Variants in TG observed in about 807,000 individuals in gnomAD.
The protein encoded by TG is thyroglobulin.
TG carries 270 observed loss-of-function variants against 324.7 expected under a neutral mutation model. That is an observed-to-expected ratio of 0.83 (90% CI 0.75 to 0.92). TG has a LOEUF of 0.92. TG is among the 40% of genes least tolerant of loss of function. The probability of loss-of-function intolerance (pLI) is 0.00; values close to 1 mark genes in which losing one functional copy is unlikely to be tolerated. For synonymous variants in TG, 1,401 were observed against 1,327.0 expected, an observed-to-expected ratio of 1.06 and a Z score of -1.21; for missense variants, 3,591 against 3,456.4, an observed-to-expected ratio of 1.04 and a Z score of -0.98.
intron 35 of TG, among the ~76,000 whole-genome samples, chr8:133,008,959 C>T (rs1233616598): frequency 6.6e-6 from 1 of 152,182 alleles, no homozygotes; most frequent in Non-Finnish European, 1.5e-5. Flanking sequence ...TTGTGGACCT[C>T]CCAGATGTTG....
chr8:132,936,277 A>G (rs2739063), intron 25 of TG, among the ~76,000 whole-genome samples: 84,834 of 152,114 alleles, frequency 0.56, 24,259 homozygotes, highest in Non-Finnish European at 0.61. Flanking sequence ...CAAACTGCTC[A>G]CTGGGGCCTG....
intron 43 of TG, 120 bp from the exon 44 acceptor site, chr8:133,113,302 T>C: frequency 2.7e-6 from 3 of 1,122,104 alleles, no homozygotes; most frequent in Non-Finnish European, 4.0e-6. Context: ...CTTCCACTTG[T>C]GTTTAATGCC....
chr8:133,120,904 G>C (rs1370888047), intron 45 of TG, among the ~76,000 whole-genome samples: 1 of 152,154 alleles, frequency 6.6e-6, no homozygotes, highest in Non-Finnish European at 1.5e-5. Flanking sequence ...GGATTGGGGT[G>C]GTCCTCAGAG....
At chr8:133,011,403 G>A (rs1376368850) in intron 35 of TG, among the ~76,000 whole-genome samples, 5 of 151,990 alleles carry the variant, frequency 3.3e-5, no homozygotes, top group East Asian at 1.9e-4. Flanking sequence ...GGTCCTGCAG[G>A]GGGGTCTCAG....
At chr8:133,117,381 G>C (rs551629982) in intron 45 of TG, among the ~76,000 whole-genome samples, 13 of 152,356 alleles carry the variant, frequency 8.5e-5, no homozygotes, top group Admixed American at 5.2e-4. Context: ...AGGGACGCAC[G>C]TGATCTCAGC....
chr8:133,058,386 C>T lies in TG; in HGVS notation c.7239+28363C>T, dbSNP rs372714605. On this transcript the variant is annotated intron_variant, in intron 41 of 47. Coordinates refer to ENST00000220616, the MANE Select transcript of TG (RefSeq NM_003235.5). The stretch of plus-strand genomic sequence containing the variant: ...TCTATGTCTGTTCTAGAGGTGACCT[C>T]CCACCCACATAATGGAACAAAATCA... 9.2e-5 allele frequency among the ~76,000 whole-genome samples: 14 copies of T among 152,292 alleles called. No individual in the cohort carries two copies. The East Asian group carries it at 2.7e-3, about 29-fold the overall frequency.
intron 16 of TG, among the ~76,000 whole-genome samples, chr8:132,902,863 A>G (rs1241119622): frequency 9.9e-5 from 15 of 152,212 alleles, no homozygotes; most frequent in Non-Finnish European, 8.8e-5. Context: ...TCCATGATAC[A>G]GTTCCCGTGT....
chr8:133,133,442 G>A (rs1222135284), intron 46 of TG, 28 bp from the exon 47 acceptor site: 2 of 1,608,114 alleles, frequency 1.2e-6, no homozygotes, highest in Non-Finnish European at 1.7e-6. Context: ...TTTCCCTCAT[G>A]GATATTTCTT....
intron 43 of TG, among the ~76,000 whole-genome samples, chr8:133,100,803 C>T (rs1849125179): frequency 1.3e-5 from 2 of 152,162 alleles, no homozygotes; most frequent in African/African-American, 4.8e-5. Context: ...ATTCTACCCA[C>T]ATTCTTTTTT....
At chr8:133,085,583 G>C (rs1380837154) in intron 41 of TG, among the ~76,000 whole-genome samples, 1 of 152,130 alleles carries the variant, frequency 6.6e-6, no homozygotes, top group Non-Finnish European at 1.5e-5. Flanking sequence ...ATGTACAAAT[G>C]GGCCCATAAG....
intron 20 of TG, among the ~76,000 whole-genome samples, chr8:132,916,564 A>T (rs982181677): frequency 3.0e-4 from 46 of 152,226 alleles, no homozygotes; most frequent in Non-Finnish European, 6.2e-4. Flanking sequence ...GAGGAGGGCT[A>T]ATCAGGATGG....
chr8:132,975,387 G>A (rs923585714), intron 34 of TG, among the ~76,000 whole-genome samples: 2 of 152,250 alleles, frequency 1.3e-5, no homozygotes, highest in Non-Finnish European at 2.9e-5. Flanking sequence ...GGAGTTGGCA[G>A]GGGAAGGAAT....
Position 132,919,542 on chromosome 8 carries a change from G to T in TG, c.4528+17G>T, listed in dbSNP as rs555307032. 9 of 1,613,300 alleles carry T rather than the reference G, an allele frequency of 5.6e-6. No individual in the cohort carries two copies. The East Asian group carries it at 2.0e-4, about 36-fold the overall frequency. On this transcript the variant is annotated intron_variant, in intron 21 of 47. Coordinates refer to ENST00000220616, the MANE Select transcript of TG (RefSeq NM_003235.5). ...AGACTCACTGTAAGTTCTGTGGAGTGCTTCTTTGAAAGAAAAGCCCTGCAA... is the reference window on the plus strand; with the variant it reads ...AGACTCACTGTAAGTTCTGTGGAGTTCTTCTTTGAAAGAAAAGCCCTGCAA...
intron 35 of TG, chr8:133,002,349 G>C (rs144902500): frequency 2.8e-4 from 276 of 985,436 alleles, no homozygotes; most frequent in Middle Eastern, 1.6e-3. Context: ...TAGTTGGACT[G>C]TCTTTAAACC....
chr8:132,893,614 G>A, intron 10 of TG, 76 bp from the exon 11 acceptor site: 1 of 1,602,728 alleles, frequency 6.2e-7, no homozygotes, highest in African/African-American at 1.3e-5. Context: ...GTGCGTGAGG[G>A]CACACATGCT....
intron 18 of TG, among the ~76,000 whole-genome samples, chr8:132,908,960 A>G (rs1819100434): frequency 6.6e-6 from 1 of 152,226 alleles, no homozygotes; most frequent in South Asian, 2.1e-4. Flanking sequence ...GCACATACTT[A>G]GTGTGAGCCA....
chr8:132,897,503 G>A (rs1040404117), intron 11 of TG, 146 bp from the exon 12 acceptor site: 4 of 1,149,598 alleles, frequency 3.5e-6, no homozygotes, highest in Non-Finnish European at 3.9e-6. Flanking sequence ...AGGAGCCTTT[G>A]TAATACTGTG....
chr8:133,111,213 G>C (rs1005978696), intron 43 of TG, among the ~76,000 whole-genome samples: 2 of 152,026 alleles, frequency 1.3e-5, no homozygotes, highest in Admixed American at 6.6e-5. Context: ...AGTTATAACT[G>C]GGGGAACGAG....
Position 132,966,582 on chromosome 8 carries a change from C to G in TG, c.5571C>G (p.Ser1857=). 1 of 1,614,030 alleles carries G rather than the reference C, an allele frequency of 6.2e-7. No homozygotes were observed. Among genetic ancestry groups the G allele is most frequent in the South Asian group, 1.1e-5 (1 of 91,082 alleles). Residue 1857 remains serine, a synonymous_variant, in exon 30 of 48, where the codon TCC becomes TCG. Coordinates refer to ENST00000220616, the MANE Select transcript of TG (RefSeq NM_003235.5). ...TEAGLTTELF[S]PVDLNQVIVN... ...CAGGTTTGACAACAGAACTTTTCTCCCCTGTGGACCTCAACCAGGTCATTG... is the reference window on the plus strand; with the variant it reads ...CAGGTTTGACAACAGAACTTTTCTCGCCTGTGGACCTCAACCAGGTCATTG...
Sources: gnomAD v4.1 joint callset for allele counts (sites outside exome capture counted in the v4.1 genomes callset) on GRCh38, gnomAD v4.1.1 for gene constraint, MANE v1.5 for transcripts, NCBI Gene and HGNC (gene_info 2026-07-23, HGNC 2026-07-21) for gene names.